LARP4B: variants seen among roughly 807,000 people sequenced by gnomAD.
The protein encoded by LARP4B is La ribonucleoprotein 4B.
LARP4B carries 12 observed loss-of-function variants against 89.8 expected under a neutral mutation model. That is an observed-to-expected ratio of 0.13 (90% CI 0.09 to 0.22). The LOEUF (loss-of-function observed/expected upper bound fraction) is 0.22. Ranked by LOEUF, LARP4B falls within the 10% of genes least tolerant of loss-of-function variation. The pLI, the probability that LARP4B is intolerant of heterozygous loss-of-function variation, is 1.00. For synonymous variants in LARP4B, 367 were observed against 363.3 expected, an observed-to-expected ratio of 1.01 and a Z score of -0.12; for missense variants, 757 against 947.7, an observed-to-expected ratio of 0.80 and a Z score of 2.64.
the LARP4B span, among the ~76,000 whole-genome samples, chr10:965,883 G>A: frequency 6.6e-6 from 1 of 152,124 alleles, no homozygotes; most frequent in African/African-American, 2.4e-5. Context: ...TGGAAACAGA[G>A]CTCAGGCCCC....
chr10:897,523 C>T (rs1380038989), intron 1 of LARP4B, among the ~76,000 whole-genome samples: 1 of 152,126 alleles, frequency 6.6e-6, no homozygotes, highest in Non-Finnish European at 1.5e-5. Context: ...CACTGGATTT[C>T]ATCAAAACGA....
intron 3 of LARP4B, among the ~76,000 whole-genome samples, chr10:879,586 C>T (rs922865381): frequency 2.0e-5 from 3 of 152,196 alleles, no homozygotes; most frequent in African/African-American, 7.2e-5. Context: ...CAGCCTCGAC[C>T]TGCTGGGCTC....
intron 1 of LARP4B, among the ~76,000 whole-genome samples, chr10:914,762 C>A (rs986035977): frequency 6.6e-6 from 1 of 151,730 alleles, no homozygotes; most frequent in Non-Finnish European, 1.5e-5. Context: ...GATCATGCCA[C>A]TGCACTCCAG....
At chr10:956,344 T>G in the LARP4B span, among the ~76,000 whole-genome samples, 1 of 146,338 alleles carries the variant, frequency 6.8e-6, no homozygotes, top group Admixed American at 6.9e-5. This position sits in a 1 kb window ranked among gnomAD's most constrained non-coding sequence, Gnocchi z 4.3. Context: ...TCAGAAATTC[T>G]TTTTTTTTTT....
At chr10:829,852 C>G (rs1279240048) in intron 9 of LARP4B, 118 bp from the exon 10 acceptor site, 1 of 718,286 alleles carries the variant, frequency 1.4e-6, no homozygotes, top group Non-Finnish European at 2.4e-6. Context: ...TGAACAGAAC[C>G]TAGAATAATG....
intron 3 of LARP4B, among the ~76,000 whole-genome samples, chr10:881,581 C>G (rs944765648): frequency 2.6e-5 from 4 of 152,212 alleles, no homozygotes; most frequent in African/African-American, 7.2e-5. Flanking sequence ...AGTTTCATCA[C>G]TGTCCCTGCC....
At chr10:961,993 A>G in the LARP4B span, among the ~76,000 whole-genome samples, 8 of 152,156 alleles carry the variant, frequency 5.3e-5, no homozygotes, top group South Asian at 1.7e-3. Context: ...TCCTCTTCTT[A>G]TAAGAATACC....
the LARP4B span, among the ~76,000 whole-genome samples, chr10:974,314 G>A: frequency 6.6e-6 from 1 of 152,152 alleles, no homozygotes; most frequent in African/African-American, 2.4e-5. Context: ...CCCTTGAGGA[G>A]TGTTCCCTGG....
In LARP4B at chr10:814,645, A is replaced by G. The variant is rs1831929383; in HGVS notation, c.1929+97T>C. On this transcript the variant is annotated intron_variant, in intron 17 of 17. Transcript: ENST00000316157. The surrounding 1 kb of genome is among the most constrained non-coding windows in gnomAD (Gnocchi z 4.4). Reference sequence around the variant, plus strand: ...CGCAAATAAAAACCCACCAAATTAGATGTGATTAAAAAACGAGCAGGTGCA... The same window carrying G: ...CGCAAATAAAAACCCACCAAATTAGGTGTGATTAAAAAACGAGCAGGTGCA... 3 of 1,551,016 alleles carry G rather than the reference A, an allele frequency of 1.9e-6. No individual in the cohort carries two copies. Among genetic ancestry groups the G allele is most frequent in the Middle Eastern group, 1.7e-4 (1 of 5,992 alleles).
At chr10:988,228 C>T in the LARP4B span, 1 of 465,900 alleles carries the variant, frequency 2.1e-6, no homozygotes, top group South Asian at 3.0e-5. Context: ...TTAGTCTCCG[C>T]GCTCCCCCTA....
Position 864,105 on chromosome 10 carries a change from C to T in LARP4B, c.289+18G>A, listed in dbSNP as rs758229251. ...CCTGAAAGCAGGGGGCTGCACACCA[C>T]GGCCATGCTCAACTTACCCTGCGGG... On this transcript the variant is annotated intron_variant, in intron 4 of 17. Coordinates refer to ENST00000316157, the MANE Select transcript of LARP4B (RefSeq NM_015155.3). 6.2e-6 allele frequency: 10 copies of T among 1,613,830 alleles called. No homozygotes were observed. The Middle Eastern group carries it at 4.9e-4, about 80-fold the overall frequency.
chr10:988,301 G>A, the LARP4B span: 1 of 610,604 alleles, frequency 1.6e-6, no homozygotes, highest in Non-Finnish European at 3.0e-6. Flanking sequence ...CTCCGTGGCT[G>A]ACCTCCAAGC....
At chr10:823,728 C>T (rs966618860) in intron 13 of LARP4B, among the ~76,000 whole-genome samples, 15 of 152,008 alleles carry the variant, frequency 9.9e-5, no homozygotes, top group Non-Finnish European at 1.3e-4. Context: ...CTCCTCCCTC[C>T]AAGCGTCTGG....
intron 3 of LARP4B, among the ~76,000 whole-genome samples, chr10:872,351 CCT>C (rs1234987422): frequency 6.6e-6 from 1 of 152,220 alleles, no homozygotes; most frequent in Admixed American, 6.5e-5. Flanking sequence ...CTCGCCCGCC[CCT>C]GACATGGCAC....
chr10:938,669 G>A, the LARP4B span, among the ~76,000 whole-genome samples: 1 of 152,300 alleles, frequency 6.6e-6, no homozygotes, highest in South Asian at 2.1e-4. Context: ...AAAAAGTTTA[G>A]TGAAATATAC....
downstream of LARP4B, chr10:809,233 G>T (rs1413596461): frequency 6.6e-6 from 1 of 152,246 alleles, no homozygotes; most frequent in Admixed American, 6.5e-5. Flanking sequence ...GCTTTGGAGA[G>T]AGTGCCATTT....
At position 820,863 on chromosome 10, in the gene LARP4B, G is replaced by T. The variant is rs542769071; in HGVS notation, c.1485-18C>A. On this transcript the variant is annotated intron_variant, in intron 13 of 17. Coordinates refer to ENST00000316157, the MANE Select transcript of LARP4B (RefSeq NM_015155.3). ...AATTCTTCCTAGAGGAGTGGAAAGT[G>T]AAAGACTGTTATTTTTTTCCCACTT... is the stretch of plus-strand genomic sequence containing the variant. The T allele has an allele frequency of 6.2e-7, 1 of 1,610,306 alleles. No individual in the cohort carries two copies. Among genetic ancestry groups the T allele is most frequent in the East Asian group, 2.2e-5 (1 of 44,854 alleles).
chr10:901,894 G>A (rs1385700400), intron 1 of LARP4B, among the ~76,000 whole-genome samples: 1 of 152,102 alleles, frequency 6.6e-6, no homozygotes, highest in Non-Finnish European at 1.5e-5. Context: ...TCAGACACAA[G>A]ATACAAAAAC....
chr10:970,617 C>T, the LARP4B span, among the ~76,000 whole-genome samples: 1 of 152,114 alleles, frequency 6.6e-6, no homozygotes, highest in African/African-American at 2.4e-5. Context: ...TCTGGATCCT[C>T]GAATGGGTGA....
Sources: gnomAD v4.1 joint callset for allele counts (sites outside exome capture counted in the v4.1 genomes callset) on GRCh38, gnomAD v4.1.1 for gene constraint, Gnocchi (gnomAD v3.1) non-coding constraint, MANE v1.5 for transcripts, NCBI Gene and HGNC (gene_info 2026-07-23, HGNC 2026-07-21) for gene names.